GPBP1: variants seen among roughly 807,000 people sequenced by gnomAD.
The protein encoded by GPBP1 is GC-rich promoter binding protein 1.
Under a neutral mutation model 56.5 loss-of-function variants are expected in GPBP1, and 13 were observed. The ratio of observed to expected loss-of-function variants is 0.23; its 90% CI spans 0.15 to 0.37. The LOEUF (loss-of-function observed/expected upper bound fraction) is 0.37. Among genes scored for constraint, GPBP1 ranks in the 10% least tolerant of loss-of-function variants. GPBP1 has a pLI of 1.00. For synonymous variants in GPBP1, 204 were observed against 188.9 expected, an observed-to-expected ratio of 1.08 and a Z score of -0.66; for missense variants, 477 against 572.3, an observed-to-expected ratio of 0.83 and a Z score of 1.70.
chr5:57,187,492 C>G (rs1006718723), intron 2 of GPBP1, among the ~76,000 whole-genome samples: 2 of 152,082 alleles, frequency 1.3e-5, no homozygotes, highest in African/African-American at 4.8e-5. Flanking sequence ...TGGGGATTTT[C>G]TAGTGAACAA....
intron 10 of GPBP1, among the ~76,000 whole-genome samples, chr5:57,256,596 A>G (rs527494875): frequency 2.0e-5 from 3 of 152,180 alleles, no homozygotes; most frequent in African/African-American, 4.8e-5. Context: ...GGGGCAAACA[A>G]TAAGAACATT....
intron 2 of GPBP1, among the ~76,000 whole-genome samples, chr5:57,197,822 A>G (rs769859264): frequency 6.6e-6 from 1 of 151,374 alleles, no homozygotes; most frequent in Non-Finnish European, 1.5e-5. Flanking sequence ...TTTTTTTTTA[A>G]TGATCTCTTT....
At chr5:57,185,217 C>T (rs1754230518) in intron 2 of GPBP1, among the ~76,000 whole-genome samples, 1 of 151,612 alleles carries the variant, frequency 6.6e-6, no homozygotes, top group Non-Finnish European at 1.5e-5. Context: ...TATCACCAGC[C>T]CTCTTTAAAA....
chr5:57,236,391 T>C (rs1756662949), intron 6 of GPBP1, among the ~76,000 whole-genome samples: 2 of 152,176 alleles, frequency 1.3e-5, no homozygotes, highest in Admixed American at 6.6e-5. Flanking sequence ...TTGAAAACTT[T>C]AACTGGAAAT....
intron 3 of GPBP1, among the ~76,000 whole-genome samples, chr5:57,218,415 T>A (rs747926687): frequency 6.6e-6 from 1 of 152,190 alleles, no homozygotes; most frequent in Non-Finnish European, 1.5e-5. Flanking sequence ...GCTGATTTTA[T>A]TATAAAGGAT....
At chr5:57,237,334 T>TATA in intron 6 of GPBP1, 1 of 631,550 alleles carries the variant, frequency 1.6e-6, no homozygotes, top group Non-Finnish European at 2.8e-6. Context: ...GCGTTTGTCA[T>TATA]ATAAAACTAT....
At chr5:57,192,328 CTGTT>C (rs958077052) in intron 2 of GPBP1, among the ~76,000 whole-genome samples, 24 of 152,040 alleles carry the variant, frequency 1.6e-4, no homozygotes, top group African/African-American at 5.6e-4. Context: ...GGACAGTAGT[CTGTT>C]TGGGGATAGC....
At chr5:57,206,899 G>A (rs1049901469) in intron 2 of GPBP1, among the ~76,000 whole-genome samples, 2 of 152,148 alleles carry the variant, frequency 1.3e-5, no homozygotes, top group African/African-American at 4.8e-5. Flanking sequence ...GATTCCAGGA[G>A]TTTGAGACCA....
At position 57,197,825 on chromosome 5, in the gene GPBP1, A is replaced by T. The variant is rs376414594; in HGVS notation, c.-57-16249A>T. Among the ~76,000 whole-genome samples the T allele has an allele frequency of 7.1e-4, 107 of 151,332 alleles. 1 individual carries two copies. Among genetic ancestry groups the T allele is most frequent in the African/African-American group, 2.6e-3 (106 of 41,198 alleles). The stretch of plus-strand genomic sequence containing the variant: ...TTTTATTCATAGTTTTTTTTTAATG[A>T]TCTCTTTCATTTGCTACTTTGCTTA... On this transcript the variant is annotated intron_variant, in intron 2 of 11. Transcript: ENST00000506184.
intron 2 of GPBP1, among the ~76,000 whole-genome samples, chr5:57,201,893 G>T (rs1311931352): frequency 1.3e-5 from 2 of 152,126 alleles, no homozygotes; most frequent in African/African-American, 2.4e-5. Flanking sequence ...GGGTACCTGG[G>T]TTCACATTAC....
intron 10 of GPBP1, among the ~76,000 whole-genome samples, chr5:57,253,772 TAAAAACA>T (rs202065546): frequency 0.011 from 1,734 of 151,424 alleles, 28 homozygotes; most frequent in African/African-American, 0.041. Flanking sequence ...GCTGCCCCCT[TAAAAACA>T]AAAAACAAAA....
intron 5 of GPBP1, among the ~76,000 whole-genome samples, chr5:57,233,110 G>A (rs570457032): frequency 3.9e-4 from 60 of 152,214 alleles, no homozygotes; most frequent in Middle Eastern, 3.4e-3. Flanking sequence ...GGTCTTGAAC[G>A]GATTATAGCA....
At chr5:57,258,807 AC>A (rs1177957838) in intron 10 of GPBP1, among the ~76,000 whole-genome samples, 1 of 152,206 alleles carries the variant, frequency 6.6e-6, no homozygotes, top group African/African-American at 2.4e-5. Flanking sequence ...TATTTCAGGA[AC>A]AGTTAAAAGC....
intron 2 of GPBP1, among the ~76,000 whole-genome samples, chr5:57,208,520 A>G (rs546489800): frequency 5.9e-5 from 9 of 152,140 alleles, no homozygotes; most frequent in Admixed American, 6.5e-5. Context: ...GGCGTGAACC[A>G]CTGTAGCCTG....
chr5:57,254,165 A>G (rs1419876878), intron 10 of GPBP1, among the ~76,000 whole-genome samples: 2 of 151,982 alleles, frequency 1.3e-5, no homozygotes, highest in African/African-American at 4.8e-5. Flanking sequence ...GGCTCAAGCG[A>G]TCCTCCTGCC....
intron 6 of GPBP1, among the ~76,000 whole-genome samples, chr5:57,239,611 T>G (rs1467189316): frequency 2.0e-5 from 3 of 151,894 alleles, no homozygotes; most frequent in Non-Finnish European, 4.4e-5. Flanking sequence ...TGAAACCCGT[T>G]TCTACTAAAA....
intron 2 of GPBP1, among the ~76,000 whole-genome samples, chr5:57,181,940 T>G (rs1033648658): frequency 2.0e-5 from 3 of 152,220 alleles, no homozygotes; most frequent in Non-Finnish European, 2.9e-5. Context: ...GTTAACAGAT[T>G]TGCTGTATAA....
rs541358340 is a variant in GPBP1 at position 57,190,587 on chromosome 5, T to TA, written c.-58+14200dup. Reference sequence around the variant, plus strand: ...TGACAGAGCAAGACTCCATCTCAGTTAAAAAAAAAAAAAGAAAAAAGCTAT... The same window carrying TA: ...TGACAGAGCAAGACTCCATCTCAGTTAAAAAAAAAAAAAAGAAAAAAGCTAT... On this transcript the variant is annotated intron_variant, in intron 2 of 11. Coordinates refer to ENST00000506184, the MANE Select transcript of GPBP1 (RefSeq NM_022913.4). Among the ~76,000 whole-genome samples the TA allele has an allele frequency of 7.8e-3, 1,052 of 135,110 alleles. 4 individuals carry two copies. The highest frequency in any genetic ancestry group is 0.018 in the African/African-American group (662 of 36,706). 88.6% of individuals were successfully genotyped at this position (135,110 alleles called of 152,430 possible).
chr5:57,236,315 T>C (rs1756660252), intron 6 of GPBP1, among the ~76,000 whole-genome samples: 1 of 152,192 alleles, frequency 6.6e-6, no homozygotes, highest in South Asian at 2.1e-4. Flanking sequence ...ATTGATACCA[T>C]TTTGAGAGCA....
Sources: gnomAD v4.1 joint callset for allele counts (sites outside exome capture counted in the v4.1 genomes callset) on GRCh38, gnomAD v4.1.1 for gene constraint, MANE v1.5 for transcripts, NCBI Gene and HGNC (gene_info 2026-07-23, HGNC 2026-07-21) for gene names.